The following KCNK2 variants were observed in gnomAD, a reference collection of about 807,000 sequenced individuals.
KCNK2 encodes the protein potassium two pore domain channel subfamily K member 2.
A neutral mutation model predicts 40.5 loss-of-function variants in KCNK2; 21 were observed. The observed-to-expected ratio is 0.52, with a 90% CI of 0.37 to 0.75. KCNK2 has a LOEUF of 0.75. Ranked by LOEUF, KCNK2 falls within the 30% of genes least tolerant of loss-of-function variation. The pLI is 0.00. For missense variants in KCNK2, 399 were observed against 531.6 expected (o/e 0.75, Z 2.45); for synonymous variants, 191 against 202.2 (o/e 0.94, Z 0.47).
intron 5 of KCNK2, among the ~76,000 whole-genome samples, chr1:215,184,957 G>A (rs1225115983): frequency 6.6e-6 from 1 of 152,084 alleles, no homozygotes; most frequent in Non-Finnish European, 1.5e-5. Flanking sequence ...GTATAAACCA[G>A]CTTAGGAAAA....
At chr1:215,084,216 A>T (rs1046641160) in intron 1 of KCNK2, among the ~76,000 whole-genome samples, 1 of 126,432 alleles carries the variant, frequency 7.9e-6, no homozygotes, top group Non-Finnish European at 1.7e-5. Flanking sequence ...ACACACACAC[A>T]CACTCTTAAA....
chr1:215,019,583 A>C (rs1226079748), intron 1 of KCNK2, among the ~76,000 whole-genome samples: 2 of 152,212 alleles, frequency 1.3e-5, no homozygotes, highest in African/African-American at 4.8e-5. Context: ...TGAATATTGA[A>C]TCATATTTAC....
At chr1:215,120,712 C>G (rs1661153558) in intron 2 of KCNK2, among the ~76,000 whole-genome samples, 1 of 152,040 alleles carries the variant, frequency 6.6e-6, no homozygotes, top group South Asian at 2.1e-4. Context: ...TTTATGGAAG[C>G]CTTGATATAT....
chr1:215,111,080 T>C (rs1660663194), intron 2 of KCNK2, among the ~76,000 whole-genome samples: 1 of 152,186 alleles, frequency 6.6e-6, no homozygotes, highest in Admixed American at 6.6e-5. Flanking sequence ...TAGTTGGAAT[T>C]ATATAGCATG....
intron 1 of KCNK2, among the ~76,000 whole-genome samples, chr1:215,015,812 C>A (rs61819982): frequency 0.01 from 1,536 of 152,210 alleles, 25 homozygotes; most frequent in South Asian, 0.073. Flanking sequence ...TAACTATGGA[C>A]TGAAACGATA....
At chr1:215,233,758 T>A (rs553063607) in intron 6 of KCNK2, among the ~76,000 whole-genome samples, 2 of 152,172 alleles carry the variant, frequency 1.3e-5, no homozygotes, top group East Asian at 3.9e-4. Flanking sequence ...TAGAAGAAAA[T>A]GGAGGAGTTG....
intron 6 of KCNK2, among the ~76,000 whole-genome samples, chr1:215,219,560 T>C (rs6704340): frequency 0.25 from 37,524 of 151,900 alleles, 5,739 homozygotes; most frequent in African/African-American, 0.43. Context: ...CATCAGGTGA[T>C]GCAGAATTTT....
At chr1:215,026,433 G>C (rs921109366) in intron 1 of KCNK2, among the ~76,000 whole-genome samples, 1 of 151,870 alleles carries the variant, frequency 6.6e-6, no homozygotes, top group Admixed American at 6.6e-5. Flanking sequence ...TGATTTTTTT[G>C]TAAATAACAT....
chr1:215,010,394 T>C (rs1199415240), intron 1 of KCNK2, among the ~76,000 whole-genome samples: 1 of 152,192 alleles, frequency 6.6e-6, no homozygotes, highest in Non-Finnish European at 1.5e-5. Flanking sequence ...AATGCAGTCT[T>C]AAAGAGGAAA....
chr1:215,228,092 G>A (rs1234634877), intron 6 of KCNK2, among the ~76,000 whole-genome samples: 1 of 152,190 alleles, frequency 6.6e-6, no homozygotes, highest in Non-Finnish European at 1.5e-5. Flanking sequence ...ATTTGACCTA[G>A]AAATATGGAT....
At chr1:215,074,398 A>G (rs1185890070) in intron 1 of KCNK2, among the ~76,000 whole-genome samples, 2 of 152,192 alleles carry the variant, frequency 1.3e-5, no homozygotes, top group Non-Finnish European at 1.5e-5. Context: ...TTCCAAATAC[A>G]TCCTCTTTTT....
At chr1:215,178,521 A>T (rs1488144038) in intron 5 of KCNK2, among the ~76,000 whole-genome samples, 1 of 152,056 alleles carries the variant, frequency 6.6e-6, no homozygotes, top group Non-Finnish European at 1.5e-5. Context: ...TATTATTTTG[A>T]CATATGTTTC....
At chr1:215,202,271 T>C (rs1270021533) in intron 6 of KCNK2, among the ~76,000 whole-genome samples, 1 of 152,070 alleles carries the variant, frequency 6.6e-6, no homozygotes, top group Non-Finnish European at 1.5e-5. Flanking sequence ...CTTCACTATG[T>C]GATGGGGAAA....
In KCNK2 at chr1:215,072,904, T is replaced by C. The variant is rs543024849; in HGVS notation, c.35-13464T>C. 2.6e-5 allele frequency among the ~76,000 whole-genome samples: 4 copies of C among 152,288 alleles called. No homozygotes were observed. In the South Asian group the frequency reaches 6.2e-4, roughly 24 times the overall value. ...ACTACAATAAATAATAGAAAAGATA[T>C]GCTGAAGTCCTAACCCCAATACCGT... On this transcript the variant is annotated intron_variant, in intron 1 of 6. Transcript: ENST00000391895.
At chr1:215,008,280 T>G (rs1656257038) in intron 1 of KCNK2, among the ~76,000 whole-genome samples, 1 of 152,154 alleles carries the variant, frequency 6.6e-6, no homozygotes, top group South Asian at 2.1e-4. Context: ...TGACAAATGA[T>G]AACTTTAGTT....
chr1:215,036,021 A>C (rs567947632), intron 1 of KCNK2, among the ~76,000 whole-genome samples: 24 of 151,904 alleles, frequency 1.6e-4, no homozygotes, highest in Non-Finnish European at 3.1e-4. Flanking sequence ...TGATATGCAG[A>C]AGGTTTTAAT....
upstream of KCNK2, chr1:215,081,736 T>G (rs928578439): frequency 3.9e-5 from 6 of 152,116 alleles, no homozygotes; most frequent in African/African-American, 1.4e-4. Flanking sequence ...GGATTCCCGC[T>G]GAGAAAGTGG....
intron 1 of KCNK2, among the ~76,000 whole-genome samples, chr1:215,010,860 T>TGTGTGTGTGTGTGTG (rs1553254938): frequency 1.7e-5 from 2 of 116,042 alleles, no homozygotes; most frequent in African/African-American, 7.0e-5. Context: ...GATTTTTTTT[T>TGTGTGTGTGTGTGTG]TTTTTTTTTG....
chr1:215,023,972 G>A (rs934906883), intron 1 of KCNK2, among the ~76,000 whole-genome samples: 1 of 152,166 alleles, frequency 6.6e-6, no homozygotes, highest in African/African-American at 2.4e-5. Context: ...CTAGCTCTGC[G>A]GATTTTCCTA....
Sources: gnomAD v4.1 joint callset for allele counts (sites outside exome capture counted in the v4.1 genomes callset) on GRCh38, gnomAD v4.1.1 for gene constraint, MANE v1.5 for transcripts, NCBI Gene and HGNC (gene_info 2026-07-23, HGNC 2026-07-21) for gene names.